The following PUDP variants were observed in gnomAD, a reference collection of about 807,000 sequenced individuals.
PUDP encodes the protein pseudouridine-5'-phosphatase.
Under a neutral mutation model 9.4 loss-of-function variants are expected in PUDP, and 8 were observed. That is an observed-to-expected ratio of 0.85 (90% CI 0.50 to 1.53). PUDP has a LOEUF of 1.53. PUDP is among the 40% of genes most tolerant of loss of function. The pLI, the probability that PUDP is intolerant of heterozygous loss-of-function variation, is 0.00. For missense variants in PUDP, 188 were observed against 189.7 expected (o/e 0.99, Z 0.05); for synonymous variants, 99 against 80.7 (o/e 1.23, Z -1.22).
intron 1 of PUDP, among the ~76,000 whole-genome samples, chrX:6,708,281 A>G (rs1198708005): frequency 9.0e-6 from 1 of 111,555 alleles, no homozygotes; most frequent in African/African-American, 3.3e-5. Flanking sequence ...TGCCCCAAGC[A>G]GTGTGAGAAG....
intron 3 of PUDP, among the ~76,000 whole-genome samples, chrX:6,797,374 G>C (rs952406144): frequency 9.0e-6 from 1 of 111,316 alleles, no homozygotes; most frequent in Admixed American, 9.6e-5. Flanking sequence ...CATCAGGGTT[G>C]GTTTATTGGA....
intron 3 of PUDP, among the ~76,000 whole-genome samples, chrX:6,762,857 T>C (rs1298998258): frequency 2.7e-5 from 3 of 112,250 alleles, no homozygotes; most frequent in Non-Finnish European, 3.8e-5. Flanking sequence ...CTAGTTCTTC[T>C]TATATTCCTT....
chrX:6,770,499 G>A (rs1345276625), intron 3 of PUDP, among the ~76,000 whole-genome samples: 1 of 111,842 alleles, frequency 8.9e-6, no homozygotes, highest in Non-Finnish European at 1.9e-5. Context: ...TTTTGTTTTT[G>A]TTTTTTGTTT....
intron 1 of PUDP, among the ~76,000 whole-genome samples, chrX:6,707,863 G>A (rs1924488302): frequency 8.9e-6 from 1 of 112,019 alleles, no homozygotes; most frequent in African/African-American, 3.2e-5. Context: ...ACAATTTAAT[G>A]GCAGCCTATG....
intron 1 of PUDP, among the ~76,000 whole-genome samples, chrX:7,121,829 A>C (rs1932350436): frequency 8.9e-6 from 1 of 111,853 alleles, no homozygotes; most frequent in Non-Finnish European, 1.9e-5. Context: ...GGAGAGCTCT[A>C]CCATATCTTT....
intron 3 of PUDP, among the ~76,000 whole-genome samples, chrX:6,893,040 A>G (rs1276078837): frequency 2.7e-5 from 3 of 112,216 alleles, no homozygotes; most frequent in Admixed American, 9.5e-5. Context: ...GTCATTGGGG[A>G]AAAAAAACTA....
chrX:6,910,733 G>A (rs150213328), intron 3 of PUDP, among the ~76,000 whole-genome samples: 1 of 112,097 alleles, frequency 8.9e-6, no homozygotes, highest in Non-Finnish European at 1.9e-5. Context: ...GGCGTTGCTT[G>A]GGGTGCACAC....
At chrX:6,900,328 G>GC (rs1555915671) in intron 3 of PUDP, among the ~76,000 whole-genome samples, 2 of 63,126 alleles carry the variant, frequency 3.2e-5, no homozygotes, top group African/African-American at 4.7e-5. Flanking sequence ...TCACCACTTG[G>GC]GGGGGGGGGC....
chrX:7,019,635 T>C (rs951888077), intron 1 of PUDP, among the ~76,000 whole-genome samples: 1 of 111,800 alleles, frequency 8.9e-6, no homozygotes, highest in Non-Finnish European at 1.9e-5. Context: ...TCTGCTAGCT[T>C]GGCCTCTTCT....
At chrX:6,751,108 C>G (rs1041248529) in intron 3 of PUDP, among the ~76,000 whole-genome samples, 1 of 107,245 alleles carries the variant, frequency 9.3e-6, no homozygotes, top group East Asian at 2.9e-4. Context: ...TGCCACTGCA[C>G]TCCAGCCTGG....
intron 1 of PUDP, among the ~76,000 whole-genome samples, chrX:6,707,987 G>A (rs984147994): frequency 9.0e-6 from 1 of 111,529 alleles, no homozygotes; most frequent in Non-Finnish European, 1.9e-5. Context: ...GTTAATTTTC[G>A]ACGAAGCTCC....
At position 7,102,699 on chromosome X, in the gene PUDP, A is replaced by T. The variant is rs184789077; in HGVS notation, c.280+2921T>A. 6.1e-3 allele frequency among the ~76,000 whole-genome samples: 647 copies of T among 106,254 alleles called. 2 individuals carry two copies. The highest frequency in any genetic ancestry group is 9.1e-3 in the Non-Finnish European group (464 of 51,018). The allele number at this position is 106,254 out of a possible 115,157, so 92.3% of individuals were successfully genotyped here. On this transcript the variant is annotated intron_variant, in intron 2 of 3. Coordinates refer to ENST00000381077, the MANE Select transcript of PUDP (RefSeq NM_012080.5). Reference sequence around the variant, plus strand: ...AGAAATCACTACAATTCAACATATTAAAAAAAAAAACCCAATTGTTAGAAC... The same window carrying T: ...AGAAATCACTACAATTCAACATATTTAAAAAAAAAACCCAATTGTTAGAAC...
intron 2 of PUDP, among the ~76,000 whole-genome samples, chrX:7,102,642 T>A (rs1318650396): frequency 9.1e-6 from 1 of 110,191 alleles, no homozygotes; most frequent in Non-Finnish European, 1.9e-5. Context: ...AACAAAATTA[T>A]CTTTGTTCAC....
intron 3 of PUDP, among the ~76,000 whole-genome samples, chrX:6,807,405 CTAAAT>C (rs1569103148): frequency 8.9e-6 from 1 of 112,126 alleles, no homozygotes; most frequent in Non-Finnish European, 1.9e-5. Flanking sequence ...AAGTACCGAC[CTAAAT>C]TAAATTGCTG....
intron 1 of PUDP, among the ~76,000 whole-genome samples, chrX:7,119,962 GGATAAAGGGGCTTTCTT>G (rs1352825365): frequency 1.8e-5 from 2 of 111,799 alleles, no homozygotes; most frequent in African/African-American, 3.3e-5. Context: ...GAGAACATAT[GGATAAAGGGGCTTTCTT>G]CAAAATTAAA....
At chrX:6,791,750 T>C (rs1925752701) in intron 3 of PUDP, among the ~76,000 whole-genome samples, 1 of 111,774 alleles carries the variant, frequency 8.9e-6, no homozygotes, top group African/African-American at 3.3e-5. Flanking sequence ...AATTCAGACT[T>C]CCAGGACTGT....
chrX:6,865,258 T>C (rs1927062078), intron 3 of PUDP, among the ~76,000 whole-genome samples: 1 of 112,068 alleles, frequency 8.9e-6, no homozygotes, highest in Non-Finnish European at 1.9e-5. Context: ...GATTATTGTG[T>C]CTTAAATATT....
intron 3 of PUDP, among the ~76,000 whole-genome samples, chrX:7,065,044 T>C (rs1431219765): frequency 1.8e-5 from 2 of 111,680 alleles, no homozygotes; most frequent in African/African-American, 6.5e-5. Flanking sequence ...AGACTTAAAA[T>C]ATCCCTTCCT....
At chrX:6,937,089 T>A (rs1928316146) in intron 3 of PUDP, among the ~76,000 whole-genome samples, 1 of 104,756 alleles carries the variant, frequency 9.5e-6, no homozygotes, top group African/African-American at 3.5e-5. Context: ...GCCATCCCCA[T>A]CAAGCTACCA....
Sources: gnomAD v4.1 joint callset for allele counts (sites outside exome capture counted in the v4.1 genomes callset) on GRCh38, gnomAD v4.1.1 for gene constraint, MANE v1.5 for transcripts, NCBI Gene and HGNC (gene_info 2026-07-23, HGNC 2026-07-21) for gene names.